OXR1: variants seen among roughly 807,000 people sequenced by gnomAD.
The protein encoded by OXR1 is oxidation resistance protein 1.
In OXR1, 41 loss-of-function variants were observed where a neutral mutation model predicts 104.6. That is an observed-to-expected ratio of 0.39 (90% CI 0.31 to 0.51). The LOEUF (loss-of-function observed/expected upper bound fraction) is 0.51, where lower values mean the gene tolerates loss of function less well. Ranked by LOEUF, OXR1 falls within the 20% of genes least tolerant of loss-of-function variation. The probability of loss-of-function intolerance (pLI) is 0.77; values close to 1 mark genes in which losing one functional copy is unlikely to be tolerated. For synonymous variants in OXR1, 348 were observed against 348.4 expected, an observed-to-expected ratio of 1.00 and a Z score of 0.01; for missense variants, 955 against 1,031.9, an observed-to-expected ratio of 0.93 and a Z score of 1.02.
At chr8:106,645,681 A>G (rs1173271311) in intron 3 of OXR1, among the ~76,000 whole-genome samples, 1 of 152,054 alleles carries the variant, frequency 6.6e-6, no homozygotes, top group East Asian at 1.9e-4. Flanking sequence ...GGGCTGATTC[A>G]CCTGGGGATA....
chr8:106,732,712 G>A (rs574214381), intron 11 of OXR1, among the ~76,000 whole-genome samples: 34 of 152,158 alleles, frequency 2.2e-4, no homozygotes, highest in African/African-American at 5.8e-4. Flanking sequence ...CCAGTCTTGC[G>A]TAGGTGGGAT....
At chr8:106,353,802 A>G (rs1425873299) in intron 1 of OXR1, among the ~76,000 whole-genome samples, 2 of 152,142 alleles carry the variant, frequency 1.3e-5, no homozygotes, top group Non-Finnish European at 2.9e-5. Context: ...GTTATTAACT[A>G]TAGTCACCGT....
intron 11 of OXR1, among the ~76,000 whole-genome samples, chr8:106,717,128 G>T (rs1204356685): frequency 6.6e-6 from 1 of 152,116 alleles, no homozygotes; most frequent in Non-Finnish European, 1.5e-5. Context: ...GGAGATTGCA[G>T]TGAGCCAAGA....
intron 2 of OXR1, among the ~76,000 whole-genome samples, chr8:106,410,004 A>C (rs1235055128): frequency 7.2e-6 from 1 of 139,578 alleles, no homozygotes; most frequent in Non-Finnish European, 1.5e-5. Context: ...ACACAAACAC[A>C]CACACACACA....
intron 2 of OXR1, among the ~76,000 whole-genome samples, chr8:106,466,983 C>G (rs924100705): frequency 6.6e-6 from 1 of 151,878 alleles, no homozygotes; most frequent in Non-Finnish European, 1.5e-5. Flanking sequence ...ATATTTGCAT[C>G]TTTATTCCAC....
intron 2 of OXR1, among the ~76,000 whole-genome samples, chr8:106,478,517 A>G (rs950975116): frequency 2.0e-5 from 3 of 151,826 alleles, no homozygotes; most frequent in Admixed American, 1.3e-4. Flanking sequence ...GTAAGTAAGG[A>G]AGTTCTTGGC....
At chr8:106,518,783 A>G (rs1332269116) in intron 2 of OXR1, among the ~76,000 whole-genome samples, 160 bp from the exon 3 acceptor site, 1 of 152,140 alleles carries the variant, frequency 6.6e-6, no homozygotes, top group Non-Finnish European at 1.5e-5. Flanking sequence ...TATTTGTAGA[A>G]TTTTTCTTAA....
chr8:106,323,791 A>G (rs540709088), intron 1 of OXR1, among the ~76,000 whole-genome samples: 1 of 152,332 alleles, frequency 6.6e-6, no homozygotes, highest in African/African-American at 2.4e-5. Flanking sequence ...AGAGAAATGC[A>G]AATCAAAACC....
At chr8:106,408,367 A>G (rs558984707) in intron 2 of OXR1, among the ~76,000 whole-genome samples, 14 of 152,206 alleles carry the variant, frequency 9.2e-5, no homozygotes, top group African/African-American at 3.1e-4. Context: ...CAGTATTCAG[A>G]TATGACTTAC....
chr8:106,538,904 T>TA (rs1348452351), intron 3 of OXR1, among the ~76,000 whole-genome samples: 3 of 152,230 alleles, frequency 2.0e-5, no homozygotes, highest in Non-Finnish European at 2.9e-5. Flanking sequence ...TTAATAATCT[T>TA]AAAAACCTTA....
At chr8:106,398,264 T>C (rs960263195) in intron 2 of OXR1, among the ~76,000 whole-genome samples, 2 of 152,198 alleles carry the variant, frequency 1.3e-5, no homozygotes, top group African/African-American at 4.8e-5. Flanking sequence ...TAAACTTAGC[T>C]GTACATCAGA....
chr8:106,616,651 C>A (rs943917045), intron 3 of OXR1, among the ~76,000 whole-genome samples: 2 of 152,112 alleles, frequency 1.3e-5, no homozygotes, highest in Non-Finnish European at 2.9e-5. Flanking sequence ...TTGGCCAAGA[C>A]CATAAGCTCT....
At chr8:106,467,993 G>C (rs1821268401) in intron 2 of OXR1, among the ~76,000 whole-genome samples, 1 of 151,840 alleles carries the variant, frequency 6.6e-6, no homozygotes, top group African/African-American at 2.4e-5. Context: ...GCTAGAAAGA[G>C]AGTGACAGAG....
intron 3 of OXR1, among the ~76,000 whole-genome samples, chr8:106,566,442 A>T (rs1034091889): frequency 1.3e-5 from 2 of 152,202 alleles, no homozygotes; most frequent in Non-Finnish European, 2.9e-5. Context: ...GCCTGTTAGA[A>T]TGGTGATCAT....
At chr8:106,422,100 T>C (rs978577557) in intron 2 of OXR1, among the ~76,000 whole-genome samples, 6 of 152,110 alleles carry the variant, frequency 3.9e-5, no homozygotes, top group African/African-American at 1.2e-4. Flanking sequence ...AAGGGAAGAA[T>C]TGTGACTATC....
At position 106,536,780 on chromosome 8, in the gene OXR1, T is replaced by G. The variant is rs115082450; in HGVS notation, c.220+17641T>G. ...AAAAGCCTAACAAATGCTTTAAGATTCTGAGACTGTCTCTGTTGCTCAGAT... is the reference window on the plus strand; with the variant it reads ...AAAAGCCTAACAAATGCTTTAAGATGCTGAGACTGTCTCTGTTGCTCAGAT... On this transcript the variant is annotated intron_variant, in intron 3 of 16. Transcript: ENST00000517566. Among the ~76,000 whole-genome samples the G allele has an allele frequency of 8.4e-3, 1,272 of 152,292 alleles. 19 individuals carry two copies. The highest frequency in any genetic ancestry group is 0.029 in the African/African-American group (1,202 of 41,552).
intron 3 of OXR1, among the ~76,000 whole-genome samples, chr8:106,668,047 GC>G (rs1197689589): frequency 6.6e-6 from 1 of 150,838 alleles, no homozygotes; most frequent in African/African-American, 2.4e-5. Context: ...ATTTAACCAT[GC>G]TTTGGTATGA....
intron 1 of OXR1, among the ~76,000 whole-genome samples, chr8:106,302,127 G>C (rs980534476): frequency 6.6e-6 from 1 of 152,156 alleles, no homozygotes; most frequent in African/African-American, 2.4e-5. Flanking sequence ...ATGGCCATCT[G>C]CTGCTATTTT....
intron 3 of OXR1, among the ~76,000 whole-genome samples, chr8:106,570,063 G>A (rs1817364605): frequency 6.6e-6 from 1 of 152,116 alleles, no homozygotes; most frequent in Non-Finnish European, 1.5e-5. Flanking sequence ...GCTTTGATCT[G>A]AGTTTGACCC....
Sources: gnomAD v4.1 joint callset for allele counts (sites outside exome capture counted in the v4.1 genomes callset) on GRCh38, gnomAD v4.1.1 for gene constraint, MANE v1.5 for transcripts, NCBI Gene and HGNC (gene_info 2026-07-23, HGNC 2026-07-21) for gene names.